The following SLIT3 variants were observed in gnomAD, a reference collection of about 807,000 sequenced individuals.
SLIT3 encodes the protein slit homolog 3 protein.
A neutral mutation model predicts 184.0 loss-of-function variants in SLIT3; 68 were observed. The ratio of observed to expected loss-of-function variants is 0.37; its 90% confidence interval spans 0.30 to 0.45. SLIT3 has a LOEUF of 0.45. Ranked by LOEUF, SLIT3 falls within the 20% of genes least tolerant of loss-of-function variation. The pLI is 1.00. For missense variants in SLIT3, 1,707 were observed against 2,026.0 expected (o/e 0.84, Z 3.02); for synonymous variants, 831 against 828.6 (o/e 1.00, Z -0.05).
At chr5:168,972,340 T>TGTGTGTGTGTGTGTGTGTGTGTGTGG (rs1754605547) in intron 4 of SLIT3, among the ~76,000 whole-genome samples, 1 of 147,248 alleles carries the variant, frequency 6.8e-6, no homozygotes, top group Non-Finnish European at 1.5e-5. Context: ...GGACAACATG[T>TGTGTGTGTGTGTGTGTGTGTGTGTGG]GTGTGTGTGT....
chr5:169,207,253 T>G (rs979243000), intron 3 of SLIT3, among the ~76,000 whole-genome samples: 6 of 152,062 alleles, frequency 3.9e-5, no homozygotes, highest in Non-Finnish European at 8.8e-5. Flanking sequence ...AGATGTTCAC[T>G]TACTGAGAAA....
chr5:169,252,773 A>G (rs1253858111), intron 1 of SLIT3, among the ~76,000 whole-genome samples: 3 of 152,152 alleles, frequency 2.0e-5, no homozygotes, highest in Admixed American at 6.5e-5. Flanking sequence ...TTGCTTCCTA[A>G]AGATGCCACC....
chr5:169,035,749 C>T (rs1416129105), intron 4 of SLIT3, among the ~76,000 whole-genome samples: 2 of 152,056 alleles, frequency 1.3e-5, no homozygotes, highest in Non-Finnish European at 2.9e-5. Context: ...CATCTGAGGC[C>T]CAGAGAGGTA....
At chr5:169,184,271 G>A (rs540609054) in intron 4 of SLIT3, among the ~76,000 whole-genome samples, 1 of 152,320 alleles carries the variant, frequency 6.6e-6, no homozygotes, top group South Asian at 2.1e-4. Flanking sequence ...TTCAAGATGT[G>A]TTTCTGCATA....
intron 23 of SLIT3, among the ~76,000 whole-genome samples, chr5:168,714,095 CA>C (rs1273776600): frequency 6.6e-6 from 1 of 152,190 alleles, no homozygotes; most frequent in Non-Finnish European, 1.5e-5. Context: ...GCAGCTAGGA[CA>C]GCAGGAAGAT....
chr5:168,881,491 A>T (rs577813001), intron 5 of SLIT3, among the ~76,000 whole-genome samples: 1 of 152,160 alleles, frequency 6.6e-6, no homozygotes, highest in Non-Finnish European at 1.5e-5. Context: ...GTGTCATGAG[A>T]TCTGACTGAT....
At chr5:168,844,503 C>T in intron 6 of SLIT3, 81 bp downstream of exon 6, 3 of 1,294,908 alleles carry the variant, frequency 2.3e-6, no homozygotes, top group Non-Finnish European at 3.3e-6. Flanking sequence ...ACACTCTCCC[C>T]CTCTCTCCTC....
intron 4 of SLIT3, among the ~76,000 whole-genome samples, chr5:169,000,458 A>G (rs1755667868): frequency 6.6e-6 from 1 of 151,850 alleles, no homozygotes; most frequent in African/African-American, 2.4e-5. Flanking sequence ...CTGAAATGGA[A>G]AGTTCAGTTG....
chr5:168,979,796 A>C (rs1231468941), intron 4 of SLIT3, among the ~76,000 whole-genome samples: 1 of 152,210 alleles, frequency 6.6e-6, no homozygotes, highest in South Asian at 2.1e-4. Context: ...AGGTTCCCAC[A>C]CAAAGCTAAC....
At chr5:169,077,672 A>C (rs76817430) in intron 4 of SLIT3, among the ~76,000 whole-genome samples, 3,009 of 152,304 alleles carry the variant, frequency 0.02, 110 homozygotes, top group African/African-American at 0.068. Context: ...GTCAAAAGTT[A>C]AACAGAGATT....
rs60384220 is a variant in SLIT3, at chr5:168,684,141, C to G, written c.3556-45G>C. On this transcript the variant is annotated intron_variant, in intron 31 of 35. Coordinates refer to ENST00000519560, the MANE Select transcript of SLIT3 (RefSeq NM_003062.4). Reference sequence around the variant, plus strand: ...CGTGTTAGTAAGGGCTTACCTGAGACTGAACCTTCCCTGCCCATCTCACAG... The same window carrying G: ...CGTGTTAGTAAGGGCTTACCTGAGAGTGAACCTTCCCTGCCCATCTCACAG... The G allele has an allele frequency of 3.7e-3, 5,576 of 1,498,318 alleles. 145 individuals are homozygous for G. In the African/African-American group the frequency reaches 0.062, roughly 17 times the overall value. The allele number at this position is 1,498,318 out of a possible 1,614,324, so 92.8% of individuals were successfully genotyped here. A position where few individuals can be genotyped will look rare whatever the true frequency, so the allele number is the denominator to read the frequency against.
At chr5:168,981,954 G>A (rs910620981) in intron 4 of SLIT3, among the ~76,000 whole-genome samples, 1 of 152,122 alleles carries the variant, frequency 6.6e-6, no homozygotes, top group Non-Finnish European at 1.5e-5. Context: ...CACTGAAGTT[G>A]AGAGTATCTA....
intron 4 of SLIT3, among the ~76,000 whole-genome samples, chr5:169,058,515 T>C (rs1376456401): frequency 1.3e-5 from 2 of 152,144 alleles, no homozygotes; most frequent in African/African-American, 4.8e-5. Flanking sequence ...GCCTGATATA[T>C]GAGATATAGA....
intron 4 of SLIT3, among the ~76,000 whole-genome samples, chr5:169,010,464 G>C (rs978393888): frequency 6.6e-6 from 1 of 152,128 alleles, no homozygotes; most frequent in Non-Finnish European, 1.5e-5. Context: ...CCTGTACTGG[G>C]TGTCCTGTAT....
intron 4 of SLIT3, among the ~76,000 whole-genome samples, chr5:169,112,461 T>C (rs1460557061): frequency 6.6e-6 from 1 of 152,178 alleles, no homozygotes; most frequent in African/African-American, 2.4e-5. Context: ...AGGTAGACCC[T>C]CATAACATTT....
At chr5:169,118,015 A>C (rs1296204490) in intron 4 of SLIT3, among the ~76,000 whole-genome samples, 1 of 152,158 alleles carries the variant, frequency 6.6e-6, no homozygotes, top group Non-Finnish European at 1.5e-5. Context: ...TCCCACTTGA[A>C]TATTTTTGAA....
intron 4 of SLIT3, among the ~76,000 whole-genome samples, chr5:169,067,498 T>C (rs1758399423): frequency 6.6e-6 from 1 of 152,138 alleles, no homozygotes; most frequent in African/African-American, 2.4e-5. Flanking sequence ...TCTCTGTGCC[T>C]CCACGGCAAA....
At chr5:168,805,690 G>T (rs1159693837) in intron 9 of SLIT3, among the ~76,000 whole-genome samples, 1 of 152,136 alleles carries the variant, frequency 6.6e-6, no homozygotes, top group Non-Finnish European at 1.5e-5. Flanking sequence ...ACACCATCTT[G>T]TGTCATTACC....
intron 5 of SLIT3, among the ~76,000 whole-genome samples, chr5:168,845,646 A>G (rs1758434791): frequency 6.6e-6 from 1 of 152,172 alleles, no homozygotes; most frequent in Non-Finnish European, 1.5e-5. Context: ...CTAAATCAAA[A>G]TATATATAAT....
Sources: allele counts gnomAD v4.1 joint callset (sites outside exome capture counted in the v4.1 genomes callset), GRCh38; gene constraint gnomAD v4.1.1; transcripts MANE v1.5; gene names NCBI Gene and HGNC (gene_info 2026-07-23, HGNC 2026-07-21).